Variants in COL23A1 observed in about 807,000 individuals in gnomAD.
COL23A1 encodes the protein collagen type XXIII alpha 1 chain.
COL23A1 carries 97 observed loss-of-function variants against 99.3 expected under a neutral mutation model. That is an observed-to-expected ratio of 0.98 (90% confidence interval 0.83 to 1.16). The LOEUF is 1.16. Ranked by LOEUF, COL23A1 falls within the 50% of genes most tolerant of loss-of-function variation. COL23A1 has a pLI of 0.00. For synonymous variants in COL23A1, 320 were observed against 308.2 expected (o/e 1.04, Z -0.40); for missense variants, 762 against 757.4 (o/e 1.01, Z -0.07).
At chr5:178,333,029 C>T in intron 2 of COL23A1, among the ~76,000 whole-genome samples, 1 of 152,280 alleles carries the variant, frequency 6.6e-6, no homozygotes, top group East Asian at 1.9e-4. Flanking sequence ...CCGATCTTGG[C>T]TCACTGTAAC....
intron 2 of COL23A1, among the ~76,000 whole-genome samples, chr5:178,512,775 G>C (rs525091): frequency 6.6e-6 from 1 of 152,160 alleles, no homozygotes; most frequent in South Asian, 2.1e-4. Context: ...AGCAGGCTTC[G>C]TCAGGACAAC....
At chr5:178,573,216 A>C (rs1343803129) in intron 1 of COL23A1, among the ~76,000 whole-genome samples, 1 of 151,498 alleles carries the variant, frequency 6.6e-6, no homozygotes, top group Non-Finnish European at 1.5e-5. Context: ...ATTATACTTC[A>C]AAAAAAAAGG....
chr5:178,441,442 C>T (rs1427228961), intron 2 of COL23A1, among the ~76,000 whole-genome samples: 2 of 152,030 alleles, frequency 1.3e-5, no homozygotes, highest in East Asian at 3.9e-4. Flanking sequence ...AAGTGTGGGA[C>T]CCTGTTCACA....
intron 2 of COL23A1, among the ~76,000 whole-genome samples, chr5:178,336,044 A>G (rs1236410699): frequency 6.6e-6 from 1 of 152,240 alleles, no homozygotes; most frequent in Non-Finnish European, 1.5e-5. Context: ...AGCCCTCTTT[A>G]GCATGAGTGG....
At chr5:178,518,122 C>T (rs1759664191) in intron 2 of COL23A1, among the ~76,000 whole-genome samples, 1 of 134,814 alleles carries the variant, frequency 7.4e-6, no homozygotes, top group African/African-American at 3.0e-5. Flanking sequence ...TGCCTTCAAG[C>T]ATCTGTTTAA....
chr5:178,563,508 G>A lies in COL23A1; in HGVS notation c.295-2760C>T, dbSNP rs538907899. The stretch of plus-strand genomic sequence containing the variant: ...GCCCACGCAAAAGCTGCACCCTTGA[G>A]CCGGACCTCAGAACTCACTTTTTTT... On this transcript the variant is annotated intron_variant, in intron 1 of 28. Transcript: ENST00000390654. 6.1e-5 allele frequency among the ~76,000 whole-genome samples: 9 copies of A among 148,714 alleles called. No homozygotes were observed. The South Asian group carries it at 1.9e-3, about 32-fold the overall frequency.
At chr5:178,336,123 C>T (rs1461979604) in intron 2 of COL23A1, among the ~76,000 whole-genome samples, 1 of 152,132 alleles carries the variant, frequency 6.6e-6, no homozygotes, top group Non-Finnish European at 1.5e-5. Context: ...AAGTAAGAAC[C>T]CGGCACAGGC....
At chr5:178,331,562 G>A (rs190906413) in intron 2 of COL23A1, among the ~76,000 whole-genome samples, 2 of 152,318 alleles carry the variant, frequency 1.3e-5, no homozygotes, top group Admixed American at 6.5e-5. Context: ...CGCGGCCCTC[G>A]GGGCAGGGTG....
chr5:178,560,757 G>GAAA lies in COL23A1; in HGVS notation c.295-12_295-10dup. ...GCTAGTCCGTCCAACTTCTGAGCCG[G>GAAA]AAAAAAAAAAAGAAAAAAAACGAGG... On this transcript the variant is annotated splice_polypyrimidine_tract_variant and intron_variant, in intron 1 of 28. Coordinates refer to ENST00000390654, the MANE Select transcript of COL23A1 (RefSeq NM_173465.4). The GAAA allele has an allele frequency of 2.5e-6, 3 of 1,196,058 alleles. No individual in the cohort carries two copies. The highest frequency in any genetic ancestry group is 2.3e-5 in the Admixed American group (1 of 43,644). The allele number at this position is 1,196,058 out of a possible 1,614,324, so 74.1% of individuals were successfully genotyped here. A position where few individuals can be genotyped will look rare whatever the true frequency, so the allele number is the denominator to read the frequency against.
chr5:178,252,714 G>A (rs1765101988), intron 16 of COL23A1, 117 bp from the exon 17 acceptor site: 1 of 825,140 alleles, frequency 1.2e-6, no homozygotes, highest in African/African-American at 1.7e-5. Flanking sequence ...GCAGGGGCAG[G>A]GTCCTTGGGG....
intron 5 of COL23A1, among the ~76,000 whole-genome samples, chr5:178,278,267 C>A (rs2127573401): frequency 6.6e-6 from 1 of 152,340 alleles, no homozygotes; most frequent in East Asian, 1.9e-4. Flanking sequence ...TCCTGCCCCA[C>A]CCTTGGGGCA....
At chr5:178,354,923 T>C (rs538574556) in intron 2 of COL23A1, among the ~76,000 whole-genome samples, 275 of 151,942 alleles carry the variant, frequency 1.8e-3, no homozygotes, top group Middle Eastern at 3.4e-3. Context: ...TTGGGCATGG[T>C]GGTGTGAGCC....
intron 2 of COL23A1, among the ~76,000 whole-genome samples, chr5:178,370,576 T>A (rs1220568831): frequency 6.6e-6 from 1 of 152,108 alleles, no homozygotes; most frequent in East Asian, 1.9e-4. Context: ...TCAAGAGAGC[T>A]ACTGTCCACA....
At chr5:178,351,814 G>C (rs1761343665) in intron 2 of COL23A1, 1 of 152,242 alleles carries the variant, frequency 6.6e-6, no homozygotes, top group African/African-American at 2.4e-5. Flanking sequence ...GGCCTTTAGA[G>C]AGGCAATTAA....
intron 2 of COL23A1, among the ~76,000 whole-genome samples, chr5:178,480,064 T>A (rs1482300810): frequency 1.3e-5 from 2 of 151,634 alleles, no homozygotes; most frequent in African/African-American, 4.9e-5. Context: ...ACGATGGTAT[T>A]ATAATTGTAG....
intron 2 of COL23A1, among the ~76,000 whole-genome samples, chr5:178,357,821 T>C (rs956471806): frequency 4.0e-5 from 6 of 151,520 alleles, no homozygotes; most frequent in Non-Finnish European, 8.9e-5. Flanking sequence ...TGTGTATGTG[T>C]GTTTATGTGT....
rs1759030976 is a variant in COL23A1, at chr5:178,508,837, T to C, written c.361+51845A>G. ...GGTCACCACTGTGTCATTCCTTGTG[T>C]CCCAGGGTCCCTAGCTGCCTGCCTT... On this transcript the variant is annotated intron_variant, in intron 2 of 28. Transcript: ENST00000390654. Among the ~76,000 whole-genome samples, 4 of 152,302 alleles carry C rather than the reference T, an allele frequency of 2.6e-5. No homozygotes were observed. In the South Asian group the frequency reaches 8.3e-4, roughly 32 times the overall value.
chr5:178,389,728 A>G (rs1446478794), intron 2 of COL23A1, among the ~76,000 whole-genome samples: 1 of 152,152 alleles, frequency 6.6e-6, no homozygotes, highest in Non-Finnish European at 1.5e-5. Flanking sequence ...TCATTTAGTG[A>G]CAGCAGAGTG....
At chr5:178,466,487 A>G (rs1383811131) in intron 2 of COL23A1, among the ~76,000 whole-genome samples, 1 of 152,206 alleles carries the variant, frequency 6.6e-6, no homozygotes, top group Non-Finnish European at 1.5e-5. Context: ...AAACTGAGAC[A>G]GGTCTGCGCA....
Sources: allele counts gnomAD v4.1 joint callset (sites outside exome capture counted in the v4.1 genomes callset), GRCh38; gene constraint gnomAD v4.1.1; transcripts MANE v1.5; gene names NCBI Gene and HGNC (gene_info 2026-07-23, HGNC 2026-07-21).